STXBP5L: variants seen among roughly 807,000 people sequenced by gnomAD.
The protein encoded by STXBP5L is syntaxin binding protein 5L.
In STXBP5L, 65 loss-of-function variants were observed where a neutral mutation model predicts 144.5. That is an observed-to-expected ratio of 0.45 (90% CI 0.37 to 0.55). The LOEUF is 0.55. Among genes scored for constraint, STXBP5L ranks in the 20% least tolerant of loss-of-function variants. The probability of loss-of-function intolerance (pLI) is 0.00; values close to 1 mark genes in which losing one functional copy is unlikely to be tolerated. For synonymous variants in STXBP5L, 505 were observed against 469.6 expected (o/e 1.08, Z -0.97); for missense variants, 1,298 against 1,405.5 (o/e 0.92, Z 1.22).
At position 120,927,476 on chromosome 3, in the gene STXBP5L, A is replaced by G. The variant is rs1374891980; in HGVS notation, c.189+17709A>G. 2.6e-5 allele frequency among the ~76,000 whole-genome samples: 4 copies of G among 152,294 alleles called. No homozygotes were observed. The East Asian group carries it at 7.7e-4, about 29-fold the overall frequency. On this transcript the variant is annotated intron_variant, in intron 2 of 26. Coordinates refer to ENST00000471454, the MANE Select transcript of STXBP5L (RefSeq NM_001308330.2). ...ATATTTCTTACTTCAGGTACTGCTA[A>G]TGCTTTCCCTGGGTTGGGGTAGAGA...
At chr3:121,210,227 GTCT>G (rs2048504281) in intron 10 of STXBP5L, among the ~76,000 whole-genome samples, 1 of 152,172 alleles carries the variant, frequency 6.6e-6, no homozygotes, top group African/African-American at 2.4e-5. Context: ...CTGCATAAAT[GTCT>G]TCTTTTGAGA....
At chr3:121,001,151 G>T (rs761708189) in intron 3 of STXBP5L, among the ~76,000 whole-genome samples, 4 of 152,252 alleles carry the variant, frequency 2.6e-5, no homozygotes, top group Admixed American at 6.5e-5. Flanking sequence ...GGCAGGGTCT[G>T]TGCATAGGCA....
chr3:121,016,692 C>T (rs1029517796), intron 3 of STXBP5L, among the ~76,000 whole-genome samples: 5 of 152,072 alleles, frequency 3.3e-5, no homozygotes, highest in African/African-American at 1.2e-4. Flanking sequence ...AACAGAAGAA[C>T]TATATTTGAT....
rs187501129 is a variant in STXBP5L, at chr3:121,052,965, G to C, written c.470+7430G>C. Among the ~76,000 whole-genome samples, 7 of 152,174 alleles carry C rather than the reference G, an allele frequency of 4.6e-5. No individual in the cohort carries two copies. The East Asian group carries it at 1.4e-3, about 29-fold the overall frequency. The stretch of plus-strand genomic sequence containing the variant: ...TATACACAAATAACAGACAAACAGA[G>C]AGCCAAATCATGAGTGAACTCCCAT... On this transcript the variant is annotated intron_variant, in intron 5 of 26. Coordinates refer to ENST00000471454, the MANE Select transcript of STXBP5L (RefSeq NM_001308330.2).
intron 19 of STXBP5L, among the ~76,000 whole-genome samples, chr3:121,304,521 C>A (rs1433836726): frequency 6.6e-6 from 1 of 152,086 alleles, no homozygotes; most frequent in Non-Finnish European, 1.5e-5. Context: ...AGAATGTGTT[C>A]TCTGGCCACA....
At chr3:120,928,596 C>T (rs1709761630) in intron 2 of STXBP5L, among the ~76,000 whole-genome samples, 2 of 151,614 alleles carry the variant, frequency 1.3e-5, no homozygotes, top group South Asian at 2.1e-4. Context: ...CTTATGCTTA[C>T]ATGTTCTGAG....
chr3:121,074,827 C>A (rs912887684), intron 5 of STXBP5L, among the ~76,000 whole-genome samples: 12 of 152,166 alleles, frequency 7.9e-5, no homozygotes, highest in African/African-American at 2.9e-4. Flanking sequence ...CTAACAAGGG[C>A]ACCAGACAAT....
At chr3:121,397,615 C>G (rs2046763181) in intron 22 of STXBP5L, among the ~76,000 whole-genome samples, 1 of 152,126 alleles carries the variant, frequency 6.6e-6, no homozygotes, top group South Asian at 2.1e-4. Flanking sequence ...ACTTTCAAAG[C>G]TTGCAAATTT....
chr3:121,346,315 T>A (rs937111279), intron 20 of STXBP5L, among the ~76,000 whole-genome samples: 2 of 152,096 alleles, frequency 1.3e-5, no homozygotes, highest in African/African-American at 4.8e-5. Context: ...TATTCCATGG[T>A]GTATATGTGC....
At chr3:121,255,936 A>G (rs1347978004) in intron 16 of STXBP5L, among the ~76,000 whole-genome samples, 6 of 152,194 alleles carry the variant, frequency 3.9e-5, no homozygotes, top group East Asian at 1.9e-4. Context: ...TTTTACCTCA[A>G]CAGCTAAAAT....
chr3:120,963,745 T>C (rs1186945303), intron 3 of STXBP5L, among the ~76,000 whole-genome samples: 1 of 152,212 alleles, frequency 6.6e-6, no homozygotes, highest in East Asian at 1.9e-4. Context: ...TTTATTGTTG[T>C]GTCCCTGCCA....
At chr3:120,967,461 TG>T (rs1040007660) in intron 3 of STXBP5L, among the ~76,000 whole-genome samples, 1 of 152,242 alleles carries the variant, frequency 6.6e-6, no homozygotes, top group African/African-American at 2.4e-5. Flanking sequence ...AGCGCTAAGC[TG>T]CTTGGCCTAG....
intron 20 of STXBP5L, among the ~76,000 whole-genome samples, chr3:121,352,365 G>A (rs1019474206): frequency 2.0e-5 from 3 of 152,078 alleles, no homozygotes; most frequent in Non-Finnish European, 4.4e-5. Context: ...TCATTGAGCA[G>A]TGGTTTGTAG....
At chr3:121,119,096 T>G (rs1334098760) in intron 6 of STXBP5L, among the ~76,000 whole-genome samples, 1 of 151,476 alleles carries the variant, frequency 6.6e-6, no homozygotes, top group Non-Finnish European at 1.5e-5. Context: ...TAATTATGAC[T>G]CATAGATATA....
chr3:121,300,099 C>G (rs1047155769), intron 19 of STXBP5L, among the ~76,000 whole-genome samples: 1 of 150,694 alleles, frequency 6.6e-6, no homozygotes, highest in South Asian at 2.1e-4. Context: ...CATACAAATA[C>G]AAGGGAAAAA....
chr3:121,190,066 T>A (rs572413440), intron 9 of STXBP5L, among the ~76,000 whole-genome samples: 1 of 152,254 alleles, frequency 6.6e-6, no homozygotes, highest in South Asian at 2.1e-4. Flanking sequence ...TTTTTTAATT[T>A]TTTTAGTATT....
intron 2 of STXBP5L, among the ~76,000 whole-genome samples, chr3:120,921,508 C>T (rs867692279): frequency 1.3e-5 from 2 of 151,624 alleles, no homozygotes; most frequent in Non-Finnish European, 3.0e-5. Flanking sequence ...TTTTTGCTTT[C>T]GTTGTGTGTA....
intron 5 of STXBP5L, among the ~76,000 whole-genome samples, chr3:121,068,336 A>C (rs1186491362): frequency 6.6e-6 from 1 of 152,168 alleles, no homozygotes; most frequent in African/African-American, 2.4e-5. Flanking sequence ...GGTGTACCTA[A>C]CATTTAATAT....
chr3:120,947,552 C>G (rs1222332190), intron 2 of STXBP5L, among the ~76,000 whole-genome samples: 1 of 151,802 alleles, frequency 6.6e-6, no homozygotes, highest in African/African-American at 2.4e-5. Context: ...CAACAACCTC[C>G]ACGATCAATT....
Sources: allele counts gnomAD v4.1 joint callset (sites outside exome capture counted in the v4.1 genomes callset), GRCh38; gene constraint gnomAD v4.1.1; transcripts MANE v1.5; gene names NCBI Gene and HGNC (gene_info 2026-07-23, HGNC 2026-07-21).